Variants in ETFDH observed in about 807,000 individuals in gnomAD.
The protein encoded by ETFDH is electron transfer flavoprotein-ubiquinone oxidoreductase, mitochondrial.
In ETFDH, 61 loss-of-function variants were observed where a neutral mutation model predicts 73.2. That is an observed-to-expected ratio of 0.83 (90% CI 0.68 to 1.03). The LOEUF is 1.03. ETFDH is among the 50% of genes least tolerant of loss of function. The probability of loss-of-function intolerance (pLI) is 0.00; values close to 1 mark genes in which losing one functional copy is unlikely to be tolerated. For missense variants in ETFDH, 685 were observed against 745.0 expected, an observed-to-expected ratio of 0.92 and a Z score of 0.94; for synonymous variants, 243 against 253.3, an observed-to-expected ratio of 0.96 and a Z score of 0.39.
At chr4:158,694,910 C>A (rs2150310731) in intron 6 of ETFDH, among the ~76,000 whole-genome samples, 1 of 152,280 alleles carries the variant, frequency 6.6e-6, no homozygotes, top group East Asian at 1.9e-4. Flanking sequence ...GGCTCCATGA[C>A]CCTCCAAGTA....
At chr4:158,675,807 GC>G (rs1365481595) in intron 1 of ETFDH, among the ~76,000 whole-genome samples, 19 of 151,446 alleles carry the variant, frequency 1.3e-4, no homozygotes, top group Non-Finnish European at 2.1e-4. Context: ...ACATTCATGT[GC>G]AAGTTTTTGT....
intron 1 of ETFDH, chr4:158,679,306 G>A (rs1481925373): frequency 6.6e-6 from 1 of 151,990 alleles, no homozygotes; most frequent in Non-Finnish European, 1.5e-5. Flanking sequence ...TTATCAAGAT[G>A]AACAGAGCCT....
At chr4:158,703,967 C>T (rs112698771) in intron 10 of ETFDH, among the ~76,000 whole-genome samples, 1,912 of 152,196 alleles carry the variant, frequency 0.013, 40 homozygotes, top group African/African-American at 0.041. Context: ...TGTGTGGTGG[C>T]GGGTGCCTGT....
At chr4:158,673,577 A>G (rs1773636109) in intron 1 of ETFDH, among the ~76,000 whole-genome samples, 1 of 152,238 alleles carries the variant, frequency 6.6e-6, no homozygotes, top group Non-Finnish European at 1.5e-5. Context: ...ATTTCATGAA[A>G]GTAGAATTTT....
chr4:158,698,694 T>C (rs1343852625), intron 8 of ETFDH, among the ~76,000 whole-genome samples: 1 of 152,148 alleles, frequency 6.6e-6, no homozygotes, highest in Non-Finnish European at 1.5e-5. Flanking sequence ...TCATGATAGA[T>C]TGTTTTTCTA....
chr4:158,678,256 T>C lies in ETFDH; in HGVS notation c.35-2211T>C, dbSNP rs375925324. Among the ~76,000 whole-genome samples, 11 of 152,358 alleles carry C rather than the reference T, an allele frequency of 7.2e-5. No individual in the cohort carries two copies. In the East Asian group the frequency reaches 2.1e-3, roughly 29 times the overall value. Reference sequence around the variant, plus strand: ...CTTTAGTTGGCAGGTCTCCATAGTCTACTTCAATTTGACAGTTCCTCTGTC... The same window carrying C: ...CTTTAGTTGGCAGGTCTCCATAGTCCACTTCAATTTGACAGTTCCTCTGTC... On this transcript the variant is annotated intron_variant, in intron 1 of 12. Coordinates refer to ENST00000511912, the MANE Select transcript of ETFDH (RefSeq NM_004453.4).
rs1245995182 is a variant in ETFDH at position 158,706,758 on chromosome 4, A to G, written c.1598A>G (p.Gln533Arg). 1 of 1,613,958 alleles carries G rather than the reference A, an allele frequency of 6.2e-7. No homozygotes were observed. The change falls in exon 12 of 13, where the codon CAG (glutamine) becomes CGG (arginine). Residue 533 changes from glutamine (Q) to arginine (R), a missense_variant. Physicochemically the swap from Gln to Arg is conservative, Grantham distance 43. Around this residue, in one of 3 missense-constraint regions of ETFDH, gnomAD observed 201 missense variants for 225.2 expected, o/e 0.89. Coordinates refer to ENST00000511912, the MANE Select transcript of ETFDH (RefSeq NM_004453.4). ...ALSGTNHEHD[Q>R]PAHLTLRDDS... ...AGTGGTACTAATCATGAACATGACC[A>G]GCCGGCACACTTAACCTTAAGGGAT...
intron 9 of ETFDH, among the ~76,000 whole-genome samples, chr4:158,699,387 T>C (rs1305058913): frequency 6.6e-6 from 1 of 152,080 alleles, no homozygotes; most frequent in Non-Finnish European, 1.5e-5. Context: ...CTGGGCAACA[T>C]GGCGAAACCC....
At chr4:158,677,670 T>G (rs1170673982) in intron 1 of ETFDH, among the ~76,000 whole-genome samples, 1 of 152,154 alleles carries the variant, frequency 6.6e-6, no homozygotes, top group Admixed American at 6.5e-5. Context: ...CAGGTTGGAG[T>G]TGGTATCTTA....
chr4:158,708,628 T>C lies in ETFDH; in HGVS notation c.*101T>C, dbSNP rs1437301029. ...TCTTTCTGCATATTACTGAACAGAA[T>C]AGTCACAAAATGATTATCAAATAAA... is the stretch of plus-strand genomic sequence containing the variant. On this transcript the variant is annotated 3_prime_UTR_variant, in exon 13 of 13. Transcript: ENST00000511912. 2.9e-5 allele frequency: 28 copies of C among 965,288 alleles called. No homozygotes were observed. Among genetic ancestry groups the C allele is most frequent in the Middle Eastern group, 4.4e-4 (2 of 4,556 alleles). The allele number at this position is 965,288 out of a possible 1,614,324, so 59.8% of individuals were successfully genotyped here. A position where few individuals can be genotyped will look rare whatever the true frequency, so the allele number is the denominator to read the frequency against.
chr4:158,704,532 A>G (rs1774555577), intron 10 of ETFDH, among the ~76,000 whole-genome samples: 1 of 152,162 alleles, frequency 6.6e-6, no homozygotes, highest in African/African-American at 2.4e-5. Flanking sequence ...CAATTAATGC[A>G]CAACACACAG....
intron 1 of ETFDH, among the ~76,000 whole-genome samples, chr4:158,677,088 G>A (rs889876146): frequency 1.3e-5 from 2 of 152,142 alleles, no homozygotes; most frequent in South Asian, 2.1e-4. Context: ...ATTTTTTGTC[G>A]TTGCTTGTGT....
At chr4:158,707,606 A>G (rs1309554720) in intron 12 of ETFDH, among the ~76,000 whole-genome samples, 1 of 152,224 alleles carries the variant, frequency 6.6e-6, no homozygotes, top group East Asian at 1.9e-4. Context: ...TTTGTCCAGC[A>G]TATTCACACC....
At chr4:158,695,705 A>G in intron 7 of ETFDH, 62 bp downstream of exon 7, 1 of 1,168,144 alleles carries the variant, frequency 8.6e-7, no homozygotes, top group East Asian at 2.4e-5. Flanking sequence ...TATTTGTATT[A>G]TCAGGTAGTT....
chr4:158,674,398 C>T (rs1773662969), intron 1 of ETFDH, among the ~76,000 whole-genome samples: 1 of 152,056 alleles, frequency 6.6e-6, no homozygotes, highest in South Asian at 2.1e-4. Flanking sequence ...CTCTGCCTCC[C>T]GGGTTCAAGT....
chr4:158,689,155 T>A (rs897071322), intron 5 of ETFDH, among the ~76,000 whole-genome samples: 3 of 152,220 alleles, frequency 2.0e-5, no homozygotes, highest in African/African-American at 7.2e-5. Flanking sequence ...GAAAAGTTAT[T>A]GGCAGCAAGG....
intron 6 of ETFDH, among the ~76,000 whole-genome samples, chr4:158,692,888 AACAT>A (rs1286035778): frequency 1.8e-4 from 22 of 119,088 alleles, no homozygotes; most frequent in Non-Finnish European, 2.7e-4. Flanking sequence ...AAAAAAAAAA[AACAT>A]ATATATATAT....
chr4:158,692,038 A>T (rs1314631235), intron 6 of ETFDH, among the ~76,000 whole-genome samples: 1 of 152,152 alleles, frequency 6.6e-6, no homozygotes, highest in African/African-American at 2.4e-5. Context: ...CACTCTTGGA[A>T]TAGAATTAGG....
At chr4:158,677,182 T>C (rs1773731094) in intron 1 of ETFDH, among the ~76,000 whole-genome samples, 1 of 152,218 alleles carries the variant, frequency 6.6e-6, no homozygotes. Flanking sequence ...TTGAAGAGAT[T>C]AATTCTGAGC....
Sources: allele counts gnomAD v4.1 joint callset (sites outside exome capture counted in the v4.1 genomes callset), GRCh38; gene constraint gnomAD v4.1.1; regional missense constraint gnomAD v4.1.1; transcripts MANE v1.5; gene names NCBI Gene and HGNC (gene_info 2026-07-23, HGNC 2026-07-21).